Variants in LINGO2 observed in about 807,000 individuals in gnomAD.
LINGO2 encodes leucine rich repeat and Ig domain containing 2.
In LINGO2, 14 loss-of-function variants were observed where a neutral mutation model predicts 30.6. The ratio of observed to expected loss-of-function variants is 0.46; its 90% CI spans 0.30 to 0.72. LINGO2 has a LOEUF of 0.72. Ranked by LOEUF, LINGO2 falls within the 30% of genes least tolerant of loss-of-function variation. The pLI is 0.07. For missense variants in LINGO2, 729 were observed against 751.7 expected (o/e 0.97, Z 0.35); for synonymous variants, 317 against 288.5 (o/e 1.10, Z -1.00).
intron 3 of LINGO2, among the ~76,000 whole-genome samples, chr9:28,363,966 A>G (rs1820553939): frequency 6.9e-6 from 1 of 145,368 alleles, no homozygotes. Context: ...TAATTGCATT[A>G]ATTAGGTTAC....
At chr9:28,247,179 G>A (rs1245763210) in intron 4 of LINGO2, among the ~76,000 whole-genome samples, 1 of 152,190 alleles carries the variant, frequency 6.6e-6, no homozygotes, top group Non-Finnish European at 1.5e-5. Context: ...AACCATTGTG[G>A]ATGACAGTGT....
chr9:28,726,899 C>G, the LINGO2 span, among the ~76,000 whole-genome samples: 2 of 152,118 alleles, frequency 1.3e-5, no homozygotes, highest in Non-Finnish European at 2.9e-5. Context: ...CTTACTTTGA[C>G]CACCATTGGA....
In LINGO2 at chr9:28,025,297, A is replaced by G. The variant is rs539759673; in HGVS notation, c.-86-12892T>C. ...GCCCTCAATTCCTGCAGTCTGCCCTATGGGATAATTTATGTTGATTTGTTT... is the reference window on the plus strand; with the variant it reads ...GCCCTCAATTCCTGCAGTCTGCCCTGTGGGATAATTTATGTTGATTTGTTT... On this transcript the variant is annotated intron_variant, in intron 4 of 5. Coordinates refer to ENST00000379992, the Ensembl canonical transcript of LINGO2. 1.2e-4 allele frequency among the ~76,000 whole-genome samples: 18 copies of G among 152,292 alleles called. 1 individual carries two copies. The South Asian group carries it at 2.9e-3, about 25-fold the overall frequency.
At chr9:27,993,526 CAT>C (rs1029978872) in intron 5 of LINGO2, among the ~76,000 whole-genome samples, 27 of 152,048 alleles carry the variant, frequency 1.8e-4, no homozygotes, top group Non-Finnish European at 3.4e-4. Flanking sequence ...GCCTGGGTAA[CAT>C]AGTGAGACCC....
At chr9:29,009,223 A>T in the LINGO2 span, among the ~76,000 whole-genome samples, 7 of 152,324 alleles carry the variant, frequency 4.6e-5, no homozygotes, top group Admixed American at 3.9e-4. Context: ...GTATTCAGTT[A>T]GAAAAAGAGG....
the LINGO2 span, among the ~76,000 whole-genome samples, chr9:28,740,807 C>T: frequency 6.6e-6 from 1 of 151,990 alleles, no homozygotes; most frequent in African/African-American, 2.4e-5. Flanking sequence ...ATATAATCTA[C>T]CCATTTAGTG....
chr9:28,298,683 CAAA>C (rs74180794), intron 3 of LINGO2, among the ~76,000 whole-genome samples: 6 of 113,206 alleles, frequency 5.3e-5, no homozygotes, highest in Admixed American at 8.9e-5. Context: ...AACTCTGTCT[CAAA>C]AAAAAAAAAA....
chr9:28,364,812 T>C (rs12344456), intron 3 of LINGO2, among the ~76,000 whole-genome samples: 20,059 of 152,230 alleles, frequency 0.13, 1,645 homozygotes, highest in African/African-American at 0.22. Context: ...GCTTTCTTTG[T>C]TTAATCACTA....
chr9:28,365,345 A>C (rs1587547876), intron 3 of LINGO2, among the ~76,000 whole-genome samples: 2 of 152,194 alleles, frequency 1.3e-5, no homozygotes, highest in Admixed American at 6.5e-5. Context: ...TGTCATGCTA[A>C]AGAGCCTGGA....
the LINGO2 span, among the ~76,000 whole-genome samples, chr9:29,124,141 A>T: frequency 6.6e-6 from 1 of 152,178 alleles, no homozygotes; most frequent in East Asian, 1.9e-4. Context: ...GACAAATCTG[A>T]CAAAAACAAG....
At position 28,147,601 on chromosome 9, in the gene LINGO2, G is replaced by A. The variant is rs1587082329; in HGVS notation, c.-86-135196C>T. On this transcript the variant is annotated intron_variant, in intron 4 of 5. Coordinates refer to ENST00000379992, the Ensembl canonical transcript of LINGO2. This position sits in a 1 kb window ranked among gnomAD's most constrained non-coding sequence, Gnocchi z 4.7. The stretch of plus-strand genomic sequence containing the variant: ...CCCTGTAACCCGGGGGACAGGGCCG[G>A]CCAAGACAGGGCCACTGGGTGCCAG... 6.6e-6 allele frequency among the ~76,000 whole-genome samples: 1 copy of A among 152,122 alleles called. No individual in the cohort carries two copies. Among genetic ancestry groups the A allele is most frequent in the Non-Finnish European group, 1.5e-5 (1 of 68,020 alleles).
At chr9:28,309,721 A>C (rs1465700701) in intron 3 of LINGO2, among the ~76,000 whole-genome samples, 1 of 152,052 alleles carries the variant, frequency 6.6e-6, no homozygotes, top group Non-Finnish European at 1.5e-5. Context: ...ATTTTAAGAA[A>C]ATGAAAAGAA....
At chr9:28,930,084 CT>C in the LINGO2 span, among the ~76,000 whole-genome samples, 2 of 152,186 alleles carry the variant, frequency 1.3e-5, no homozygotes, top group African/African-American at 4.8e-5. This position sits in a 1 kb window ranked among gnomAD's most constrained non-coding sequence, Gnocchi z 4.2. Context: ...TGCTCTACCC[CT>C]TTTCACACTT....
At chr9:28,425,418 A>G (rs1424513664) in intron 2 of LINGO2, among the ~76,000 whole-genome samples, 1 of 151,626 alleles carries the variant, frequency 6.6e-6, no homozygotes, top group East Asian at 1.9e-4. Context: ...CTATTATAAT[A>G]TTCATTTTAG....
At chr9:29,197,645 T>C in the LINGO2 span, among the ~76,000 whole-genome samples, 27 of 152,188 alleles carry the variant, frequency 1.8e-4, no homozygotes, top group Admixed American at 6.6e-4. Context: ...TTTAAACTTT[T>C]ATAGTGAATA....
the LINGO2 span, among the ~76,000 whole-genome samples, chr9:29,088,064 G>A: frequency 6.6e-6 from 1 of 151,938 alleles, no homozygotes; most frequent in African/African-American, 2.4e-5. Context: ...CATATAGTAG[G>A]TGGCCTATGT....
intron 4 of LINGO2, among the ~76,000 whole-genome samples, chr9:28,138,942 T>C (rs1827597678): frequency 1.3e-5 from 2 of 152,164 alleles, no homozygotes; most frequent in South Asian, 2.1e-4. Context: ...AGAAAAAAAA[T>C]GGGTTATTTC....
chr9:28,421,540 C>G (rs112300913), intron 2 of LINGO2, among the ~76,000 whole-genome samples: 1 of 150,562 alleles, frequency 6.6e-6, no homozygotes, highest in Non-Finnish European at 1.5e-5. Context: ...AAATGTAGTA[C>G]CATCATTCCT....
chr9:28,781,597 T>C, the LINGO2 span, among the ~76,000 whole-genome samples: 1 of 152,180 alleles, frequency 6.6e-6, no homozygotes, highest in Admixed American at 6.5e-5. Flanking sequence ...AAACAAGTGG[T>C]AATATAAGAG....
Sources: allele counts gnomAD v4.1 joint callset (sites outside exome capture counted in the v4.1 genomes callset), GRCh38; gene constraint gnomAD v4.1.1; non-coding constraint Gnocchi (gnomAD v3.1); transcripts MANE v1.5; gene names NCBI Gene and HGNC (gene_info 2026-07-23, HGNC 2026-07-21).